FBXW4: variants seen among roughly 807,000 people sequenced by gnomAD.
FBXW4 encodes F-box/WD repeat-containing protein 4.
Under a neutral mutation model 61.8 loss-of-function variants are expected in FBXW4, and 40 were observed. The observed-to-expected ratio is 0.65, with a 90% CI of 0.50 to 0.84. The LOEUF (loss-of-function observed/expected upper bound fraction) is 0.84. FBXW4 is among the 40% of genes least tolerant of loss of function. The pLI is 0.00. For missense variants in FBXW4, 672 were observed against 753.8 expected, an observed-to-expected ratio of 0.89 and a Z score of 1.27; for synonymous variants, 311 against 313.8, an observed-to-expected ratio of 0.99 and a Z score of 0.10.
chr10:101,681,056 G>A (rs938951095), intron 1 of FBXW4, among the ~76,000 whole-genome samples: 2 of 152,168 alleles, frequency 1.3e-5, no homozygotes, highest in Non-Finnish European at 2.9e-5. Context: ...TATAAAGGTA[G>A]AGGTGGGGAG....
intron 5 of FBXW4, among the ~76,000 whole-genome samples, chr10:101,631,083 C>T (rs753146387): frequency 5.3e-5 from 8 of 152,056 alleles, no homozygotes; most frequent in South Asian, 2.1e-4. Context: ...AAACTAAAGC[C>T]GAATAAGAAC....
chr10:101,683,030 A>G (rs1188289814), intron 1 of FBXW4, among the ~76,000 whole-genome samples: 2 of 152,214 alleles, frequency 1.3e-5, no homozygotes, highest in Non-Finnish European at 2.9e-5. Flanking sequence ...AATTTTTAAT[A>G]TATCTCCTTT....
chr10:101,627,272 A>G (rs1248613112), intron 5 of FBXW4, among the ~76,000 whole-genome samples: 1 of 151,960 alleles, frequency 6.6e-6, no homozygotes, highest in African/African-American at 2.4e-5. Flanking sequence ...CTCTCACCTA[A>G]CCACTATGAA....
chr10:101,611,709 A>G lies in FBXW4; in HGVS notation c.1503T>C (p.Asp501=). 1 of 1,614,204 alleles carries G rather than the reference A, an allele frequency of 6.2e-7. No individual in the cohort carries two copies. The highest frequency in any genetic ancestry group is 8.5e-7 in the Non-Finnish European group (1 of 1,180,040). The stretch of plus-strand genomic sequence containing the variant: ...AACCTGTGGCCAGCAGGTGGTTGCC[A>G]TCTGTCTGCAGGCAGTACAGGGTGC... ...HDSTLYCLQT[D]GNHLLATGSS... Residue 501 remains aspartate, a synonymous_variant, in exon 8 of 9, where the codon GAT becomes GAC. Coordinates refer to ENST00000331272, the MANE Select transcript of FBXW4 (RefSeq NM_022039.4). The surrounding 1 kb of genome is among the most constrained non-coding windows in gnomAD (Gnocchi z 4.9).
chr10:101,687,108 C>T (rs1337629118), intron 1 of FBXW4, among the ~76,000 whole-genome samples: 3 of 152,152 alleles, frequency 2.0e-5, no homozygotes, highest in African/African-American at 7.2e-5. Context: ...TTCAGTGAAA[C>T]AGCTTTCCAG....
At chr10:101,660,141 A>G (rs2064228501) in intron 5 of FBXW4, 1 of 985,348 alleles carries the variant, frequency 1.0e-6, no homozygotes, top group Admixed American at 6.1e-5. Flanking sequence ...GAGAAAGCAC[A>G]GGTCAGATAA....
intron 5 of FBXW4, among the ~76,000 whole-genome samples, chr10:101,630,494 T>A (rs2063943760): frequency 6.6e-6 from 1 of 151,606 alleles, no homozygotes; most frequent in Non-Finnish European, 1.5e-5. Context: ...AAGGAGGGAG[T>A]CATTAGAACA....
chr10:101,667,083 T>A (rs955516242), intron 5 of FBXW4, among the ~76,000 whole-genome samples: 11 of 151,538 alleles, frequency 7.3e-5, no homozygotes, highest in Non-Finnish European at 1.5e-4. Flanking sequence ...TACAAAAAAT[T>A]AGCTGGGCGT....
intron 1 of FBXW4, among the ~76,000 whole-genome samples, chr10:101,688,258 T>C (rs2064553806): frequency 6.6e-6 from 1 of 152,240 alleles, no homozygotes; most frequent in African/African-American, 2.4e-5. Context: ...GGCCTTTGCA[T>C]GTATTTTTTA....
intron 5 of FBXW4, among the ~76,000 whole-genome samples, chr10:101,642,995 C>T (rs2064067032): frequency 6.6e-6 from 1 of 152,164 alleles, no homozygotes; most frequent in Non-Finnish European, 1.5e-5. Flanking sequence ...CCATCCTCCC[C>T]AAATAATATA....
chr10:101,662,280 C>T (rs1161639872), intron 5 of FBXW4, among the ~76,000 whole-genome samples: 2 of 152,198 alleles, frequency 1.3e-5, no homozygotes, highest in African/African-American at 2.4e-5. Context: ...AAAACCCACC[C>T]GCTTACCGAA....
At chr10:101,648,936 CT>C (rs1271786745) in intron 5 of FBXW4, among the ~76,000 whole-genome samples, 1 of 152,174 alleles carries the variant, frequency 6.6e-6, no homozygotes, top group Non-Finnish European at 1.5e-5. Context: ...TAAGTGCCCT[CT>C]CACTAGTCCA....
rs765238970 is a variant in FBXW4 at position 101,611,598 on chromosome 10, T to G, written c.1584+30A>C. 1 of 1,612,176 alleles carries G rather than the reference T, an allele frequency of 6.2e-7. No individual in the cohort carries two copies. Among genetic ancestry groups the G allele is most frequent in the Non-Finnish European group, 8.5e-7 (1 of 1,178,610 alleles). On this transcript the variant is annotated intron_variant, in intron 8 of 8. Coordinates refer to ENST00000331272, the MANE Select transcript of FBXW4 (RefSeq NM_022039.4). The surrounding 1 kb of genome is among the most constrained non-coding windows in gnomAD (Gnocchi z 4.9). The stretch of plus-strand genomic sequence containing the variant: ...CAGCCCATAATCATGAGTCCTGGCA[T>G]GCTGGAGAAGAGGTGGGCAGGACAC...
intron 1 of FBXW4, among the ~76,000 whole-genome samples, chr10:101,681,259 G>A (rs1408881682): frequency 6.6e-6 from 1 of 151,890 alleles, no homozygotes; most frequent in Non-Finnish European, 1.5e-5. Context: ...GTTGTAGTGG[G>A]CGTCTGCAAT....
chr10:101,634,871 A>G (rs2063988116), intron 5 of FBXW4, among the ~76,000 whole-genome samples: 1 of 149,480 alleles, frequency 6.7e-6, no homozygotes, highest in Non-Finnish European at 1.5e-5. Context: ...CCATGAAGGT[A>G]GTGATCAGAC....
intron 5 of FBXW4, among the ~76,000 whole-genome samples, chr10:101,657,651 A>G (rs1445726726): frequency 1.3e-5 from 2 of 151,060 alleles, no homozygotes; most frequent in African/African-American, 4.9e-5. Flanking sequence ...AAAAAAAAAA[A>G]AAAAAAAAAA....
At chr10:101,642,575 C>T (rs1589755246) in intron 5 of FBXW4, among the ~76,000 whole-genome samples, 1 of 152,214 alleles carries the variant, frequency 6.6e-6, no homozygotes, top group Non-Finnish European at 1.5e-5. Flanking sequence ...TCTATAAAAC[C>T]TCCCCTCCAT....
At chr10:101,637,347 G>T (rs553285856) in intron 5 of FBXW4, among the ~76,000 whole-genome samples, 11 of 132,424 alleles carry the variant, frequency 8.3e-5, no homozygotes, top group African/African-American at 2.9e-4. Context: ...AGCCGAGATC[G>T]TGCCACTGCA....
chr10:101,661,853 C>T (rs1026312289), intron 5 of FBXW4, among the ~76,000 whole-genome samples: 1 of 152,160 alleles, frequency 6.6e-6, no homozygotes, highest in Non-Finnish European at 1.5e-5. Context: ...AGCTACAGTC[C>T]ACGCCATCAG....
Sources: gnomAD v4.1 joint callset for allele counts (sites outside exome capture counted in the v4.1 genomes callset) on GRCh38, gnomAD v4.1.1 for gene constraint, Gnocchi (gnomAD v3.1) non-coding constraint, MANE v1.5 for transcripts, NCBI Gene and HGNC (gene_info 2026-07-23, HGNC 2026-07-21) for gene names.